The following COMMD1 variants were observed in gnomAD, a reference collection of about 807,000 sequenced individuals.
COMMD1 encodes the protein copper metabolism domain containing 1.
In COMMD1, 10 loss-of-function variants were observed where a neutral mutation model predicts 17.2. The ratio of observed to expected loss-of-function variants is 0.58; its 90% CI spans 0.36 to 0.99. COMMD1 has a LOEUF of 0.99. Ranked by LOEUF, COMMD1 falls within the 50% of genes least tolerant of loss-of-function variation. The pLI, the probability that COMMD1 is intolerant of heterozygous loss-of-function variation, is 0.01. For synonymous variants in COMMD1, 97 were observed against 91.6 expected (o/e 1.06, Z -0.34); for missense variants, 270 against 231.8 (o/e 1.17, Z -1.07).
At chr2:61,924,110 G>C (rs1430878308) in intron 1 of COMMD1, among the ~76,000 whole-genome samples, 1 of 152,152 alleles carries the variant, frequency 6.6e-6, no homozygotes, top group East Asian at 1.9e-4. Context: ...TGTGAAGCAT[G>C]AACTGTTTCA....
chr2:61,988,188 A>G (rs1672154963), intron 1 of COMMD1, among the ~76,000 whole-genome samples: 1 of 152,078 alleles, frequency 6.6e-6, no homozygotes, highest in Non-Finnish European at 1.5e-5. Flanking sequence ...GCTGGAAGAT[A>G]AAGTCCCCTT....
intron 2 of COMMD1, among the ~76,000 whole-genome samples, chr2:62,104,449 C>T (rs914100062): frequency 6.6e-6 from 1 of 151,838 alleles, no homozygotes; most frequent in Non-Finnish European, 1.5e-5. Context: ...GCCTGACCAA[C>T]ATGGTAAAAC....
chr2:61,940,898 C>G lies in COMMD1; in HGVS notation c.180+35040C>G, dbSNP rs543059435. 2.0e-5 allele frequency among the ~76,000 whole-genome samples: 3 copies of G among 151,918 alleles called. No individual in the cohort carries two copies. In the South Asian group the frequency reaches 6.2e-4, roughly 32 times the overall value. ...AGAGATGGGGTTTCACCGTGTTAGC[C>G]AGGATGGTCTCGATCTCCTGACCTC... is the stretch of plus-strand genomic sequence containing the variant. On this transcript the variant is annotated intron_variant, in intron 1 of 2. Transcript: ENST00000311832.
intron 2 of COMMD1, among the ~76,000 whole-genome samples, chr2:62,040,037 G>T (rs1051151165): frequency 1.3e-5 from 2 of 152,178 alleles, no homozygotes; most frequent in African/African-American, 4.8e-5. Context: ...TTGGGGGATT[G>T]CGTGAGGCCA....
At chr2:61,965,628 T>TA (rs1300200620) in intron 1 of COMMD1, among the ~76,000 whole-genome samples, 1 of 152,134 alleles carries the variant, frequency 6.6e-6, no homozygotes, top group African/African-American at 2.4e-5. Context: ...CTTAAGCAGT[T>TA]AGAGTTAGGG....
intron 1 of COMMD1, among the ~76,000 whole-genome samples, chr2:61,960,113 ATG>A (rs70946771): frequency 9.8e-4 from 147 of 149,808 alleles, no homozygotes; most frequent in African/African-American, 1.8e-3. Context: ...TTTGGAATAT[ATG>A]TGTGTGTGTG....
chr2:62,062,678 TAA>T (rs957080837), intron 2 of COMMD1, among the ~76,000 whole-genome samples: 1 of 149,666 alleles, frequency 6.7e-6, no homozygotes, highest in African/African-American at 2.5e-5. Flanking sequence ...AGTAAGAAAA[TAA>T]AAAAAAAATC....
chr2:61,925,999 C>G (rs1168557176), intron 1 of COMMD1, among the ~76,000 whole-genome samples: 4 of 151,368 alleles, frequency 2.6e-5, no homozygotes, highest in African/African-American at 9.7e-5. Context: ...GAGACGGACT[C>G]TTGCTCTTTT....
intron 1 of COMMD1, among the ~76,000 whole-genome samples, chr2:61,982,159 T>G (rs1174830285): frequency 1.3e-5 from 2 of 152,234 alleles, no homozygotes; most frequent in African/African-American, 4.8e-5. Context: ...TACCTTCAAT[T>G]TCTTTCACTA....
At chr2:61,999,248 C>T (rs1668853952) in intron 1 of COMMD1, among the ~76,000 whole-genome samples, 1 of 152,132 alleles carries the variant, frequency 6.6e-6, no homozygotes, top group African/African-American at 2.4e-5. Flanking sequence ...GATTACTGTG[C>T]AAATTTAAGG....
intron 1 of COMMD1, among the ~76,000 whole-genome samples, chr2:61,951,639 G>A: frequency 6.6e-6 from 1 of 152,180 alleles, no homozygotes; most frequent in African/African-American, 2.4e-5. Flanking sequence ...GTATAATGGG[G>A]ATATAGTAAA....
chr2:62,091,827 A>G (rs1376605115), intron 2 of COMMD1, among the ~76,000 whole-genome samples: 1 of 152,172 alleles, frequency 6.6e-6, no homozygotes, highest in Non-Finnish European at 1.5e-5. Context: ...ATCTATTGTT[A>G]TGCAGTGTTC....
At chr2:62,076,696 G>C (rs1296332141) in intron 2 of COMMD1, among the ~76,000 whole-genome samples, 1 of 151,490 alleles carries the variant, frequency 6.6e-6, no homozygotes. Context: ...GCAGTGAGCC[G>C]AGATCACACC....
chr2:62,040,487 A>G (rs1010371587), intron 2 of COMMD1, among the ~76,000 whole-genome samples: 2 of 152,300 alleles, frequency 1.3e-5, no homozygotes, highest in African/African-American at 4.8e-5. Context: ...ATTTATGTGA[A>G]GTGAAACCTA....
chr2:62,046,587 T>C (rs1573112523), intron 2 of COMMD1, among the ~76,000 whole-genome samples: 1 of 144,818 alleles, frequency 6.9e-6, no homozygotes, highest in East Asian at 1.9e-4. Flanking sequence ...GAAGCATTCA[T>C]TGAAGAAGTA....
chr2:61,981,691 A>G (rs1043199628), intron 1 of COMMD1, among the ~76,000 whole-genome samples: 2 of 152,164 alleles, frequency 1.3e-5, no homozygotes, highest in African/African-American at 4.8e-5. Flanking sequence ...GGTAGACAAG[A>G]GAAGAATGAG....
intron 1 of COMMD1, among the ~76,000 whole-genome samples, chr2:61,940,980 G>A (rs1469513874): frequency 1.6e-4 from 24 of 151,884 alleles, no homozygotes; most frequent in African/African-American, 4.1e-4. Context: ...GAGCCACTGC[G>A]CCCGGCTGGG....
chr2:62,078,239 CAAAAAAAAAAAA>C (rs56320690), intron 2 of COMMD1, among the ~76,000 whole-genome samples: 8 of 19,866 alleles, frequency 4.0e-4, no homozygotes, highest in African/African-American at 8.1e-4. Context: ...CACACCAATG[CAAAAAAAAAAAA>C]AAAAAAAAAA....
chr2:61,998,593 G>A (rs1046415510), intron 1 of COMMD1, among the ~76,000 whole-genome samples: 1 of 152,172 alleles, frequency 6.6e-6, no homozygotes, highest in Admixed American at 6.5e-5. Context: ...TGTGTGCACT[G>A]GAGTAGCACT....
Sources: allele counts gnomAD v4.1 joint callset (sites outside exome capture counted in the v4.1 genomes callset), GRCh38; gene constraint gnomAD v4.1.1; transcripts MANE v1.5; gene names NCBI Gene and HGNC (gene_info 2026-07-23, HGNC 2026-07-21).